Variants in ARHGAP18 observed in about 807,000 individuals in gnomAD.
The protein encoded by ARHGAP18 is rho GTPase-activating protein 18.
Under a neutral mutation model 86.2 loss-of-function variants are expected in ARHGAP18, and 67 were observed. That is an observed-to-expected ratio of 0.78 (90% CI 0.64 to 0.95). The LOEUF is 0.95. Ranked by LOEUF, ARHGAP18 falls within the 40% of genes least tolerant of loss-of-function variation. ARHGAP18 has a pLI of 0.00. For missense variants in ARHGAP18, 691 were observed against 780.4 expected (o/e 0.89, Z 1.37); for synonymous variants, 283 against 280.4 (o/e 1.01, Z -0.09).
intron 1 of ARHGAP18, among the ~76,000 whole-genome samples, chr6:129,695,694 C>T (rs1774603637): frequency 6.6e-6 from 1 of 152,134 alleles, no homozygotes; most frequent in South Asian, 2.1e-4. Flanking sequence ...ACAAAGCATC[C>T]CATCATTTCT....
rs780513485 is a variant in ARHGAP18, at chr6:129,611,544, T to C, written c.1111A>G (p.Ile371Val). Residue 371 changes from isoleucine (I) to valine (V), a missense_variant, in exon 8 of 15, where the codon ATT (isoleucine) becomes GTT (valine). Physicochemically the swap from Ile to Val is conservative, Grantham distance 29. Coordinates refer to ENST00000368149, the MANE Select transcript of ARHGAP18 (RefSeq NM_033515.3). ...EGLLRIPGAAIRIKNLCQELE... is the reference protein window; with the variant it reads ...EGLLRIPGAAVRIKNLCQELE... ...AACCCAGAGATTACCTTGATTCTAA[T>C]GGCAGCTCCAGGGATCCGTAAGAGG... 4 of 1,613,754 alleles carry C rather than the reference T, an allele frequency of 2.5e-6. No individual in the cohort carries two copies. The highest frequency in any genetic ancestry group is 1.7e-6 in the Non-Finnish European group (2 of 1,179,758).
chr6:129,632,897 A>T (rs1051538632), intron 4 of ARHGAP18, among the ~76,000 whole-genome samples: 3 of 152,102 alleles, frequency 2.0e-5, no homozygotes, highest in African/African-American at 7.2e-5. Flanking sequence ...CAGTTTACCT[A>T]ATACCCCTCC....
intron 1 of ARHGAP18, among the ~76,000 whole-genome samples, chr6:129,696,918 T>C (rs567644191): frequency 6.6e-6 from 1 of 152,196 alleles, no homozygotes; most frequent in Non-Finnish European, 1.5e-5. Flanking sequence ...CCTCCCTCTG[T>C]GTGCAAGCCA....
At chr6:129,683,008 C>T (rs1371220226) in intron 1 of ARHGAP18, among the ~76,000 whole-genome samples, 2 of 148,378 alleles carry the variant, frequency 1.3e-5, no homozygotes, top group Non-Finnish European at 3.0e-5. Flanking sequence ...TATTCACAGA[C>T]TTATATACTT....
At chr6:129,595,100 G>GACAATAATACA (rs974968422) in intron 12 of ARHGAP18, among the ~76,000 whole-genome samples, 1 of 151,342 alleles carries the variant, frequency 6.6e-6, no homozygotes, top group Non-Finnish European at 1.5e-5. Flanking sequence ...AAAAAAATTA[G>GACAATAATACA]ACAATAATAC....
chr6:129,697,829 A>G (rs1457274210), intron 1 of ARHGAP18, among the ~76,000 whole-genome samples: 9 of 152,214 alleles, frequency 5.9e-5, no homozygotes. Context: ...ATTTATTCCT[A>G]AGTTCACCTA....
At chr6:129,603,004 T>TAA (rs1554333751) in intron 10 of ARHGAP18, among the ~76,000 whole-genome samples, 3 of 151,100 alleles carry the variant, frequency 2.0e-5, no homozygotes, top group Admixed American at 1.3e-4. Flanking sequence ...TATATATATA[T>TAA]AATTTCAATA....
At chr6:129,646,835 A>C (rs1478276220) in intron 1 of ARHGAP18, among the ~76,000 whole-genome samples, 1 of 152,302 alleles carries the variant, frequency 6.6e-6, no homozygotes, top group East Asian at 1.9e-4. Flanking sequence ...TTATTATGAA[A>C]ACAGTTTTAC....
rs1334405711 is a variant in ARHGAP18, at chr6:129,629,536, G to C, written c.617-14C>G. 1 of 1,596,518 alleles carries C rather than the reference G, an allele frequency of 6.3e-7. No individual in the cohort carries two copies. Among genetic ancestry groups the C allele is most frequent in the African/African-American group, 1.4e-5 (1 of 73,688 alleles). ...TAGATGCCTCGTCTAGGGGCCCGGG[G>C]GGAAAGAACCCAATTCATATGCTTT... On this transcript the variant is annotated splice_polypyrimidine_tract_variant and intron_variant, in intron 4 of 14. Coordinates refer to ENST00000368149, the MANE Select transcript of ARHGAP18 (RefSeq NM_033515.3).
intron 4 of ARHGAP18, among the ~76,000 whole-genome samples, chr6:129,633,473 G>A (rs537132948): frequency 2.8e-4 from 42 of 150,026 alleles, no homozygotes; most frequent in Non-Finnish European, 5.3e-4. Context: ...TCCATACCTC[G>A]AGTTTCTAAT....
intron 6 of ARHGAP18, among the ~76,000 whole-genome samples, chr6:129,616,827 G>A (rs1789109119): frequency 6.6e-6 from 1 of 152,044 alleles, no homozygotes; most frequent in Middle Eastern, 3.2e-3. Context: ...ATGATGGCAG[G>A]CTCCTATAGT....
intron 2 of ARHGAP18, among the ~76,000 whole-genome samples, chr6:129,640,483 C>T (rs944525630): frequency 2.0e-5 from 3 of 152,114 alleles, no homozygotes; most frequent in African/African-American, 7.2e-5. Flanking sequence ...TATTAATTAT[C>T]ACAAATAAGC....
At chr6:129,655,337 AAAAAG>A (rs1285546740) in intron 1 of ARHGAP18, among the ~76,000 whole-genome samples, 1,871 of 98,372 alleles carry the variant, frequency 0.019, 49 homozygotes, top group African/African-American at 0.054. Flanking sequence ...AAAAAAAAAA[AAAAAG>A]AAAAGAAAAG....
chr6:129,596,638 A>G (rs1227975897), intron 12 of ARHGAP18, among the ~76,000 whole-genome samples: 2 of 152,220 alleles, frequency 1.3e-5, no homozygotes, highest in Non-Finnish European at 2.9e-5. Context: ...GGCACACAGT[A>G]GGCACATATC....
intron 1 of ARHGAP18, among the ~76,000 whole-genome samples, chr6:129,697,505 AT>A (rs1387634957): frequency 1.3e-5 from 2 of 151,148 alleles, no homozygotes; most frequent in Non-Finnish European, 2.9e-5. Flanking sequence ...CAAAACCCAC[AT>A]TTTTCTGAGG....
At chr6:129,628,081 A>T (rs945595303) in intron 5 of ARHGAP18, among the ~76,000 whole-genome samples, 1 of 152,108 alleles carries the variant, frequency 6.6e-6, no homozygotes, top group African/African-American at 2.4e-5. Context: ...CCATTTTTTT[A>T]ACTTTTGCCT....
chr6:129,676,913 C>CTTTTTTTT (rs1562721123), intron 1 of ARHGAP18, among the ~76,000 whole-genome samples: 6 of 34,588 alleles, frequency 1.7e-4, no homozygotes, highest in African/African-American at 5.1e-4. Flanking sequence ...ATTTTTTGTC[C>CTTTTTTTT]TCTTTTTTTT....
At chr6:129,596,109 T>A (rs1788611138) in intron 12 of ARHGAP18, among the ~76,000 whole-genome samples, 1 of 152,148 alleles carries the variant, frequency 6.6e-6, no homozygotes, top group Non-Finnish European at 1.5e-5. Flanking sequence ...AGGAATCATT[T>A]TAAAACATAG....
At chr6:129,661,715 A>C (rs1773955859) in intron 1 of ARHGAP18, 1 of 223,320 alleles carries the variant, frequency 4.5e-6, no homozygotes, top group South Asian at 1.6e-4. Flanking sequence ...CTATGAACCA[A>C]ATTGGCAGCA....
Sources: gnomAD v4.1 joint callset for allele counts (sites outside exome capture counted in the v4.1 genomes callset) on GRCh38, gnomAD v4.1.1 for gene constraint, MANE v1.5 for transcripts, NCBI Gene and HGNC (gene_info 2026-07-23, HGNC 2026-07-21) for gene names.